Variants in ZNF324B observed in about 807,000 individuals in gnomAD.
The protein encoded by ZNF324B is zinc finger protein 324B.
A neutral mutation model predicts 10.6 loss-of-function variants in ZNF324B; 7 were observed. The observed-to-expected ratio is 0.66, with a 90% confidence interval of 0.38 to 1.24. The LOEUF is 1.24. Among genes scored for constraint, ZNF324B ranks in the 50% most tolerant of loss-of-function variants. The pLI, the probability that ZNF324B is intolerant of heterozygous loss-of-function variation, is 0.02. For missense variants in ZNF324B, 640 were observed against 764.7 expected, an observed-to-expected ratio of 0.84 and a Z score of 1.92; for synonymous variants, 316 against 321.0, an observed-to-expected ratio of 0.98 and a Z score of 0.17.
the ZNF324B span, chr19:58,434,016 T>G: frequency 6.2e-7 from 1 of 1,613,422 alleles, no homozygotes; most frequent in East Asian, 2.2e-5. Context: ...CTTTCTGATG[T>G]CGAAGGAGAT....
At chr19:58,440,355 C>T in the ZNF324B span, 6 of 156,332 alleles carry the variant, frequency 3.8e-5, no homozygotes, top group Admixed American at 3.9e-4. Flanking sequence ...TCCAGAAGGA[C>T]CCTCGCGGTG....
the ZNF324B span, chr19:58,440,061 C>T: frequency 1.9e-6 from 1 of 527,562 alleles, no homozygotes; most frequent in South Asian, 2.5e-5. Context: ...TGTGAAGGCG[C>T]GGTGACGGTC....
At chr19:58,434,440 A>G in the ZNF324B span, 1 of 1,614,132 alleles carries the variant, frequency 6.2e-7, no homozygotes, top group Non-Finnish European at 8.5e-7. Context: ...CTGATGATGA[A>G]CAAATGTGAG....
intron 1 of ZNF324B, 91 bp from the exon 2 acceptor site, chr19:58,453,605 C>A: frequency 6.4e-7 from 1 of 1,559,882 alleles, no homozygotes; most frequent in African/African-American, 1.4e-5. Context: ...AGGAGGGACA[C>A]TGGGGGAGGT....
the ZNF324B span, chr19:58,433,932 C>T: frequency 6.2e-7 from 1 of 1,614,080 alleles, no homozygotes; most frequent in South Asian, 1.1e-5. Context: ...CTTTCTGGTG[C>T]TGGATGAGGG....
chr19:58,420,271 T>C, the ZNF324B span, among the ~76,000 whole-genome samples: 4 of 152,050 alleles, frequency 2.6e-5, no homozygotes, highest in South Asian at 6.2e-4. Flanking sequence ...ACAAAAAAAT[T>C]AGCCCGGCAT....
At chr19:58,453,114 T>C (rs1402691401) in intron 1 of ZNF324B, 1 of 150,708 alleles carries the variant, frequency 6.6e-6, no homozygotes, top group Non-Finnish European at 1.5e-5. Flanking sequence ...AATAAATAAA[T>C]AAATAAATAA....
the ZNF324B span, chr19:58,435,089 A>G: frequency 1.9e-6 from 3 of 1,613,942 alleles, no homozygotes; most frequent in Non-Finnish European, 2.5e-6. Flanking sequence ...AATGGCCCAC[A>G]CATGTCACAG....
chr19:58,451,771 C>T (rs2052859912), intron 1 of ZNF324B, 67 bp downstream of exon 1: 1 of 334,588 alleles, frequency 3.0e-6, no homozygotes, highest in South Asian at 2.1e-5. Flanking sequence ...GTGGTCGGCC[C>T]GGGGGCGGTC....
chr19:58,434,436 A>G, the ZNF324B span: 2 of 1,614,136 alleles, frequency 1.2e-6, no homozygotes, highest in African/African-American at 1.3e-5. Flanking sequence ...TTCTCTGATG[A>G]TGAACAAATG....
At chr19:58,421,421 C>T in the ZNF324B span, among the ~76,000 whole-genome samples, 26,701 of 152,026 alleles carry the variant, frequency 0.18, 2,600 homozygotes, top group Non-Finnish European at 0.22. Context: ...TCTTTTGAGA[C>T]GGAGTCTCCC....
At chr19:58,440,943 T>G in the ZNF324B span, 1 of 152,338 alleles carries the variant, frequency 6.6e-6, no homozygotes, top group Non-Finnish European at 1.5e-5. Flanking sequence ...AGTCTCCGAT[T>G]GAGAAGTATC....
chr19:58,435,067 A>G, the ZNF324B span: 2 of 1,614,024 alleles, frequency 1.2e-6, no homozygotes, highest in Non-Finnish European at 1.7e-6. Flanking sequence ...CAGGTGCAAA[A>G]TGTCTTTCAA....
chr19:58,446,409 C>A, the ZNF324B span, among the ~76,000 whole-genome samples: 1 of 151,948 alleles, frequency 6.6e-6, no homozygotes. Context: ...TGGTGACTTC[C>A]CAGTTGCTCA....
upstream of ZNF324B, among the ~76,000 whole-genome samples, chr19:58,449,500 C>T (rs561101130): frequency 2.6e-5 from 4 of 152,326 alleles, no homozygotes; most frequent in East Asian, 7.7e-4. Context: ...CACAGACACT[C>T]AACACCAGCC....
the ZNF324B span, chr19:58,437,863 G>A: frequency 3.3e-6 from 3 of 902,900 alleles, no homozygotes; most frequent in Non-Finnish European, 4.0e-6. Context: ...CAGCTGCCCA[G>A]AACCATAAGC....
chr19:58,435,482 TAC>T, the ZNF324B span: 6 of 359,576 alleles, frequency 1.7e-5, no homozygotes, highest in Non-Finnish European at 3.0e-5. Flanking sequence ...AGAAGATATA[TAC>T]ACAAATGGCC....
the ZNF324B span, chr19:58,433,693 G>A: frequency 1.1e-5 from 18 of 1,610,068 alleles, no homozygotes; most frequent in Middle Eastern, 4.9e-4. Flanking sequence ...AATGAGAATG[G>A]AGTTTTGGCT....
upstream of ZNF324B, chr19:58,451,590 G>A (rs1215401009): frequency 1.9e-6 from 1 of 516,976 alleles, no homozygotes; most frequent in Non-Finnish European, 3.9e-6. Context: ...GGCAATGTGA[G>A]CTCTGGGGGC....
Sources: allele counts gnomAD v4.1 joint callset (sites outside exome capture counted in the v4.1 genomes callset), GRCh38; gene constraint gnomAD v4.1.1; transcripts MANE v1.5; gene names NCBI Gene and HGNC (gene_info 2026-07-23, HGNC 2026-07-21).